MASP2: variants seen among roughly 807,000 people sequenced by gnomAD.
MASP2 encodes the protein MBL associated serine protease 2.
Under a neutral mutation model 57.1 loss-of-function variants are expected in MASP2, and 49 were observed. The ratio of observed to expected loss-of-function variants is 0.86; its 90% CI spans 0.68 to 1.09. The LOEUF is 1.09. MASP2 is among the 50% of genes least tolerant of loss of function. The pLI is 0.00. For missense variants in MASP2, 900 were observed against 874.8 expected (o/e 1.03, Z -0.36); for synonymous variants, 379 against 340.8 (o/e 1.11, Z -1.24).
chr1:11,042,905 T>C lies in MASP2; in HGVS notation c.859A>G (p.Thr287Ala). 6.2e-7 allele frequency: 1 copy of C among 1,614,020 alleles called. No individual in the cohort carries two copies. The highest frequency in any genetic ancestry group is 8.5e-7 in the Non-Finnish European group (1 of 1,179,920). ...TFVTDESGDH[T>A]GWKIHYTSTA... ...CTCGTGTAGTGGATCTTCCAGCCTGTGTGGTCTCCTGATTCATCTGTGACA... is the reference window on the plus strand; with the variant it reads ...CTCGTGTAGTGGATCTTCCAGCCTGCGTGGTCTCCTGATTCATCTGTGACA... The change falls in exon 6 of 11, where the codon ACA (threonine) becomes GCA (alanine). Residue 287 changes from threonine (T) to alanine (A), a missense_variant. Coordinates refer to ENST00000400897, the MANE Select transcript of MASP2 (RefSeq NM_006610.4).
chr1:11,026,991 A>G lies in MASP2; in HGVS notation c.1955T>C (p.Ile652Thr), dbSNP rs769517117. The change falls in exon 11 of 11, where the codon ATA (isoleucine) becomes ACA (threonine). Residue 652 changes from isoleucine to threonine, a missense_variant. Physicochemically the swap from Ile to Thr is moderately conservative, Grantham distance 89. Transcript: ENST00000400897. ...ACAATTCATGGAACCCCAGGACACT[A>G]TTCCTCCCACAAACCACCTCTCTGT... ...SETERWFVGG[I>T]VSWGSMNCGE... The G allele has an allele frequency of 6.3e-6, 10 of 1,594,944 alleles. No homozygotes were observed. Among genetic ancestry groups the G allele is most frequent in the South Asian group, 1.1e-5 (1 of 87,752 alleles).
At position 11,026,827 on chromosome 1, in the gene MASP2, G is replaced by T; in HGVS notation, c.*58C>A. ...TGAATGCTTCTCGAGCCACGTCGCT[G>T]CCAAGGTCTTCACAGGCATTTCTAA... On this transcript the variant is annotated 3_prime_UTR_variant, in exon 11 of 11. Coordinates refer to ENST00000400897, the MANE Select transcript of MASP2 (RefSeq NM_006610.4). 7.1e-7 allele frequency: 1 copy of T among 1,409,458 alleles called. No individual in the cohort carries two copies. The highest frequency in any genetic ancestry group is 9.4e-7 in the Non-Finnish European group (1 of 1,065,240). The allele number at this position is 1,409,458 out of a possible 1,614,324, so 87.3% of individuals were successfully genotyped here. A position where few individuals can be genotyped will look rare whatever the true frequency, so the allele number is the denominator to read the frequency against.
chr1:11,032,192 G>A (rs1643857473), intron 8 of MASP2, among the ~76,000 whole-genome samples: 1 of 152,164 alleles, frequency 6.6e-6, no homozygotes, highest in Non-Finnish European at 1.5e-5. Flanking sequence ...ATGAGGTATG[G>A]TTGATCATTA....
At chr1:11,036,510 CAAAAAAAAAAAA>C (rs35642467) in intron 7 of MASP2, among the ~76,000 whole-genome samples, 18 of 54,348 alleles carry the variant, frequency 3.3e-4, no homozygotes, top group Admixed American at 1.0e-3. Flanking sequence ...GACTCCGTCT[CAAAAAAAAAAAA>C]AAAAAAAAAA....
rs144247267 is a variant in MASP2 at position 11,045,482 on chromosome 1, T to C, written c.470A>G (p.His157Arg). 1.0e-3 allele frequency: 1,640 copies of C among 1,612,314 alleles called. 15 individuals are homozygous for C. The African/African-American group carries it at 0.019, about 19-fold the overall frequency. The change falls in exon 4 of 11, where the codon CAC becomes CGC. Residue 157 changes from histidine to arginine, a missense_variant. Coordinates refer to ENST00000400897, the MANE Select transcript of MASP2 (RefSeq NM_006610.4). ...GCAGTAGAAACCGCCCAGGTGGTTG[T>C]GGCAGTGGTGGTCGCAGGTGGGCGC... is the stretch of plus-strand genomic sequence containing the variant. ...GEAPTCDHHC[H>R]NHLGGFYCSC...
intron 4 of MASP2, chr1:11,044,731 G>A (rs1638570408): frequency 7.2e-7 from 1 of 1,382,994 alleles, no homozygotes; most frequent in Non-Finnish European, 9.7e-7. Flanking sequence ...CTGTGAGGAG[G>A]GTAGGCAGAG....
rs573313708 is a variant in MASP2 at position 11,042,948 on chromosome 1, G to A, written c.816C>T (p.Asn272=). The A allele has an allele frequency of 1.2e-4, 186 of 1,613,932 alleles. No homozygotes were observed. In the South Asian group the frequency reaches 1.3e-3, roughly 11 times the overall value. The change falls in exon 6 of 11, where the codon AAC becomes AAT. Residue 272 remains asparagine (N), a synonymous_variant. Coordinates refer to ENST00000400897, the MANE Select transcript of MASP2 (RefSeq NM_006610.4). Reference sequence around the variant, plus strand: ...CTGTGACAAAGGTGATGGTCACCGTGTTGCTTTTTGTTTCAATCCTGTGGG... The same window carrying A: ...CTGTGACAAAGGTGATGGTCACCGTATTGCTTTTTGTTTCAATCCTGTGGG... ...TLPHRIETKS[N]TVTITFVTDE... is the part of the protein sequence containing the mutation.
At chr1:11,029,350 G>A (rs1216621856) in intron 10 of MASP2, among the ~76,000 whole-genome samples, 1 of 147,214 alleles carries the variant, frequency 6.8e-6, no homozygotes, top group Non-Finnish European at 1.5e-5. Context: ...GCAGTGAGCC[G>A]AGATTGCGCC....
intron 6 of MASP2, among the ~76,000 whole-genome samples, chr1:11,038,907 G>T (rs1017798891): frequency 6.6e-6 from 1 of 151,968 alleles, no homozygotes; most frequent in Admixed American, 6.6e-5. Flanking sequence ...TGTGGCTCTG[G>T]TGCAACACTC....
chr1:11,036,510 CAAAAAAAAA>C (rs35642467), intron 7 of MASP2, among the ~76,000 whole-genome samples: 1 of 54,330 alleles, frequency 1.8e-5, no homozygotes, highest in African/African-American at 6.2e-5. Context: ...GACTCCGTCT[CAAAAAAAAA>C]AAAAAAAAAA....
intron 4 of MASP2, chr1:11,045,130 TC>T (rs1638587391): frequency 1.3e-6 from 1 of 745,656 alleles, no homozygotes; most frequent in African/African-American, 1.7e-5. Flanking sequence ...CCCCCGACTC[TC>T]CCGTGGCTAC....
chr1:11,045,529 C>T lies in MASP2; in HGVS notation c.423G>A (p.Glu141=), dbSNP rs201973794. The change falls in exon 4 of 11, where the codon GAG becomes GAA. Residue 141 remains glutamate, a synonymous_variant. Transcript: ENST00000400897. ...GCGCCTCTCCCGGGGCCACCTGGCA[C>T]TCGTCAATGTCTGGGGGAGAGGCAG... ...EAFYAAEDID[E]CQVAPGEAPT... is the part of the protein sequence containing the mutation. 107 of 1,607,040 alleles carry T rather than the reference C, an allele frequency of 6.7e-5. No individual in the cohort carries two copies. The Admixed American group carries it at 1.8e-3, about 27-fold the overall frequency.
Position 11,027,119 on chromosome 1 carries a change from C to T in MASP2, c.1827G>A (p.Arg609=), listed in dbSNP as rs763183867. Residue 609 remains arginine, a synonymous_variant, in exon 11 of 11, where the codon AGG becomes AGA. Coordinates refer to ENST00000400897, the MANE Select transcript of MASP2 (RefSeq NM_006610.4). ...TAAYEKPPYP[R]GSVTANMLCA... The stretch of plus-strand genomic sequence containing the variant: ...AAAGCATGTTAGCAGTTACACTTCC[C>T]CTTGGATAGGGTGGCTTTTCATATG... 4.3e-6 allele frequency: 7 copies of T among 1,611,508 alleles called. No individual in the cohort carries two copies. The highest frequency in any genetic ancestry group is 2.2e-5 in the East Asian group (1 of 44,874).
chr1:11,045,499 G>A lies in MASP2; in HGVS notation c.453C>T (p.Thr151=). Residue 151 remains threonine (T), a synonymous_variant, in exon 4 of 11, where the codon ACC becomes ACT. Transcript: ENST00000400897. ...ECQVAPGEAP[T]CDHHCHNHLG... The stretch of plus-strand genomic sequence containing the variant: ...GGTGGTTGTGGCAGTGGTGGTCGCA[G>A]GTGGGCGCCTCTCCCGGGGCCACCT... The A allele has an allele frequency of 6.2e-7, 1 of 1,611,510 alleles. No individual in the cohort carries two copies. Among genetic ancestry groups the A allele is most frequent in the Non-Finnish European group, 8.5e-7 (1 of 1,179,654 alleles).
At position 11,030,815 on chromosome 1, in the gene MASP2, C is replaced by T; in HGVS notation, c.1155G>A (p.Val385=). The change falls in exon 9 of 11, where the codon GTG becomes GTA. Residue 385 remains valine (V), a synonymous_variant. Coordinates refer to ENST00000400897, the MANE Select transcript of MASP2 (RefSeq NM_006610.4). ...GRVEYITGPG[V]TTYKAVIQYS... is the part of the protein sequence containing the mutation. ...ACTGAATCACAGCTTTGTAGGTGGT[C>T]ACTCCAGGACCTGTGATGTACTCCA... 2 of 1,613,882 alleles carry T rather than the reference C, an allele frequency of 1.2e-6. No homozygotes were observed. The highest frequency in any genetic ancestry group is 1.3e-5 in the African/African-American group (1 of 74,998).
At chr1:11,030,405 C>G (rs1169967895) in intron 9 of MASP2, 155 bp from the exon 10 acceptor site, 1 of 609,144 alleles carries the variant, frequency 1.6e-6, no homozygotes, top group Non-Finnish European at 2.9e-6. Flanking sequence ...AATAGGAGGT[C>G]TCTGCATTAC....
At chr1:11,036,361 G>A (rs1341558273) in intron 7 of MASP2, among the ~76,000 whole-genome samples, 11 of 149,578 alleles carry the variant, frequency 7.4e-5, no homozygotes, top group Non-Finnish European at 1.5e-4. Context: ...AAAATTAGCC[G>A]GGCGCGGTGG....
Position 11,028,715 on chromosome 1 carries a change from T to G in MASP2, c.1298-1067A>C, listed in dbSNP as rs796376179. On this transcript the variant is annotated intron_variant, in intron 10 of 10. Coordinates refer to ENST00000400897, the MANE Select transcript of MASP2 (RefSeq NM_006610.4). ...TTTCTGGGTTTTTTTTCTTTTTTTT[T>G]TTTTTTTTTTTTTTTTGAGACAGAG... 4.7e-3 allele frequency among the ~76,000 whole-genome samples: 692 copies of G among 145,702 alleles called. 2 individuals are homozygous for G. The highest frequency in any genetic ancestry group is 8.6e-3 in the South Asian group (39 of 4,556).
chr1:11,027,561 AT>A lies in MASP2; in HGVS notation c.1384del (p.Ile462TyrfsTer2). The A allele has an allele frequency of 1.2e-6, 2 of 1,614,156 alleles. No homozygotes were observed. Among genetic ancestry groups the A allele is most frequent in the Non-Finnish European group, 1.7e-6 (2 of 1,180,002 alleles). ...KPGDFPWQVL[I>X]LGGTTAAGAL... is the part of the protein sequence containing the mutation. The stretch of plus-strand genomic sequence containing the variant: ...ACCTGCTGCTGTGGTTCCACCTAAT[AT>A]CAGGACTTGCCAAGGAAAATCACCA... On this transcript the variant is annotated frameshift_variant, in exon 11 of 11. Coordinates refer to ENST00000400897, the MANE Select transcript of MASP2 (RefSeq NM_006610.4). LOFTEE classifies it low-confidence loss of function (END_TRUNC).
Sources: gnomAD v4.1 joint callset for allele counts (sites outside exome capture counted in the v4.1 genomes callset) on GRCh38, gnomAD v4.1.1 for gene constraint, MANE v1.5 for transcripts, NCBI Gene and HGNC (gene_info 2026-07-23, HGNC 2026-07-21) for gene names.